MTUS2: variants seen among roughly 807,000 people sequenced by gnomAD.
MTUS2 encodes microtubule-associated tumor suppressor candidate 2.
In MTUS2, 40 loss-of-function variants were observed where a neutral mutation model predicts 114.1. The ratio of observed to expected loss-of-function variants is 0.35; its 90% CI spans 0.27 to 0.46. MTUS2 has a LOEUF of 0.46. Ranked by LOEUF, MTUS2 falls within the 20% of genes least tolerant of loss-of-function variation. MTUS2 has a pLI of 1.00. For missense variants in MTUS2, 1,679 were observed against 1,705.4 expected (o/e 0.98, Z 0.27); for synonymous variants, 688 against 672.0 (o/e 1.02, Z -0.37).
intron 10 of MTUS2, chr13:29,484,099 A>G (rs1379062008): frequency 6.6e-6 from 1 of 152,220 alleles, no homozygotes; most frequent in Non-Finnish European, 1.5e-5. Flanking sequence ...CTGCTCCATC[A>G]AGTCTCAGCA....
Position 29,501,716 on chromosome 13 carries a change from T to C in MTUS2, c.3896+522T>C, listed in dbSNP as rs74871217. Among the ~76,000 whole-genome samples, 62 of 152,296 alleles carry C rather than the reference T, an allele frequency of 4.1e-4. No individual in the cohort carries two copies. The East Asian group carries it at 0.011, about 27-fold the overall frequency. ...GCTCTCCCATGAGGGCTGAGCCATA[T>C]CAGTAAGACCCAGGCCTGAACCCTT... On this transcript the variant is annotated intron_variant, in intron 15 of 15. Transcript: ENST00000612955.
intron 5 of MTUS2, among the ~76,000 whole-genome samples, chr13:29,194,769 C>G (rs1202106491): frequency 1.3e-5 from 2 of 152,128 alleles, no homozygotes; most frequent in Non-Finnish European, 1.5e-5. Context: ...GACTATAAAT[C>G]ATGCTGCTAT....
In MTUS2 at chr13:29,304,291, A is replaced by G. The variant is rs541768253; in HGVS notation, c.2807-20322A>G. Among the ~76,000 whole-genome samples, 8 of 152,328 alleles carry G rather than the reference A, an allele frequency of 5.3e-5. 1 individual carries two copies. The East Asian group carries it at 1.5e-3, about 29-fold the overall frequency. On this transcript the variant is annotated intron_variant, in intron 6 of 15. Transcript: ENST00000612955. ...CAGGATCAAATTTACACATAACAAT[A>G]CCAATCTAAAATGTAAACATGCTAA...
At chr13:29,394,146 T>A (rs1434367934) in intron 8 of MTUS2, among the ~76,000 whole-genome samples, 1 of 152,186 alleles carries the variant, frequency 6.6e-6, no homozygotes, top group Non-Finnish European at 1.5e-5. Flanking sequence ...ATAAAATATT[T>A]AAAGAGGTTT....
Position 29,028,751 on chromosome 13 carries a change from A to G in MTUS2, c.2205+1848A>G, listed in dbSNP as rs180876768. The stretch of plus-strand genomic sequence containing the variant: ...CTGAATTGACTATAATGTAAACTCC[A>G]TGAGGGAAGGGATTGTTTTCAATAT... On this transcript the variant is annotated intron_variant, in intron 3 of 15. Transcript: ENST00000612955. Among the ~76,000 whole-genome samples, 29 of 152,194 alleles carry G rather than the reference A, an allele frequency of 1.9e-4. No homozygotes were observed. The East Asian group carries it at 2.9e-3, about 15-fold the overall frequency.
At chr13:28,959,541 T>G (rs987665578) in intron 2 of MTUS2, among the ~76,000 whole-genome samples, 1 of 2,500 alleles carries the variant, frequency 4.0e-4, no homozygotes, top group Non-Finnish European at 1.4e-3. Context: ...ACACAAAGTA[T>G]TAGTGTCAGC....
intron 2 of MTUS2, among the ~76,000 whole-genome samples, chr13:28,977,942 C>T (rs1039571072): frequency 1.3e-5 from 2 of 152,216 alleles, no homozygotes; most frequent in East Asian, 1.9e-4. Flanking sequence ...CATACACTGT[C>T]TCTTTCCCGG....
intron 2 of MTUS2, among the ~76,000 whole-genome samples, chr13:28,856,319 A>C (rs2032719561): frequency 6.6e-6 from 1 of 152,226 alleles, no homozygotes; most frequent in African/African-American, 2.4e-5. Flanking sequence ...GGATGGCTGC[A>C]TATGTAGGGA....
At chr13:28,944,788 C>T (rs1882430252) in intron 2 of MTUS2, among the ~76,000 whole-genome samples, 1 of 152,198 alleles carries the variant, frequency 6.6e-6, no homozygotes, top group Admixed American at 6.5e-5. Context: ...TTACTATAAA[C>T]ACCATTCGTG....
At chr13:29,045,427 A>G (rs1887569615) in intron 4 of MTUS2, among the ~76,000 whole-genome samples, 1 of 152,112 alleles carries the variant, frequency 6.6e-6, no homozygotes, top group Admixed American at 6.5e-5. Flanking sequence ...GGACCTAATC[A>G]CCTCTCAAAG....
At position 29,474,737 on chromosome 13, in the gene MTUS2, C is replaced by A. The variant is rs1349866549; in HGVS notation, c.3185-5413C>A. ...TCATCATAATTTGAGTAGCCCCCTA[C>A]TAGTTCCCTAAGGCAAATTATGCTA... On this transcript the variant is annotated intron_variant, in intron 9 of 15. Transcript: ENST00000612955. Among the ~76,000 whole-genome samples, 5 of 152,278 alleles carry A rather than the reference C, an allele frequency of 3.3e-5. No individual in the cohort carries two copies. In the East Asian group the frequency reaches 9.6e-4, roughly 29 times the overall value.
At chr13:28,825,388 C>T (rs1050915386) in intron 1 of MTUS2, among the ~76,000 whole-genome samples, 2 of 152,180 alleles carry the variant, frequency 1.3e-5, no homozygotes. Flanking sequence ...AACCACACGG[C>T]TCTTTCTCGA....
At chr13:29,125,769 C>A (rs1299935987) in intron 5 of MTUS2, among the ~76,000 whole-genome samples, 1 of 152,162 alleles carries the variant, frequency 6.6e-6, no homozygotes, top group African/African-American at 2.4e-5. Context: ...ACCCAGAGGA[C>A]TTCTTTTTGG....
At chr13:28,868,417 G>A (rs1877426223) in intron 2 of MTUS2, among the ~76,000 whole-genome samples, 2 of 152,128 alleles carry the variant, frequency 1.3e-5, no homozygotes, top group Non-Finnish European at 2.9e-5. Context: ...TGGCGCCACA[G>A]CCTCCATGTT....
chr13:29,349,580 G>C (rs1037812548), intron 7 of MTUS2, among the ~76,000 whole-genome samples: 1 of 151,906 alleles, frequency 6.6e-6, no homozygotes, highest in African/African-American at 2.4e-5. Flanking sequence ...AGATTTGCTC[G>C]TGGTGAATTC....
intron 9 of MTUS2, among the ~76,000 whole-genome samples, chr13:29,459,467 TCCTCA>T (rs1879338927): frequency 6.6e-6 from 1 of 152,136 alleles, no homozygotes; most frequent in Non-Finnish European, 1.5e-5. Flanking sequence ...TGCAAAAGCC[TCCTCA>T]CTAGTCCTTA....
chr13:29,111,146 G>A (rs1334980200), intron 5 of MTUS2, among the ~76,000 whole-genome samples: 1 of 152,138 alleles, frequency 6.6e-6, no homozygotes, highest in Non-Finnish European at 1.5e-5. Context: ...TGTGTTCAAG[G>A]AAAATTAATA....
chr13:28,896,395 TAAAAG>T (rs1332589276), intron 2 of MTUS2, among the ~76,000 whole-genome samples: 1 of 152,066 alleles, frequency 6.6e-6, no homozygotes, highest in Non-Finnish European at 1.5e-5. Flanking sequence ...CTCAATGAAA[TAAAAG>T]AGGATACAAA....
At chr13:29,230,741 GC>G (rs1896291559) in intron 5 of MTUS2, among the ~76,000 whole-genome samples, 1 of 152,128 alleles carries the variant, frequency 6.6e-6, no homozygotes. Flanking sequence ...TAGAGTGCAG[GC>G]CTTTATTTTT....
Sources: gnomAD v4.1 joint callset for allele counts (sites outside exome capture counted in the v4.1 genomes callset) on GRCh38, gnomAD v4.1.1 for gene constraint, MANE v1.5 for transcripts, NCBI Gene and HGNC (gene_info 2026-07-23, HGNC 2026-07-21) for gene names.